The following ANKRD52 variants were observed in gnomAD, a reference collection of about 807,000 sequenced individuals.
The protein encoded by ANKRD52 is ankyrin repeat domain 52, also known as serine/threonine-protein phosphatase 6 regulatory ankyrin repeat subunit C.
In ANKRD52, 7 loss-of-function variants were observed where a neutral mutation model predicts 116.0. That is an observed-to-expected ratio of 0.06 (90% CI 0.03 to 0.11). ANKRD52 has a LOEUF of 0.11. ANKRD52 is among the 10% of genes least tolerant of loss of function. The probability of loss-of-function intolerance (pLI) is 1.00; values close to 1 mark genes in which losing one functional copy is unlikely to be tolerated. For missense variants in ANKRD52, 839 were observed against 1,408.6 expected (o/e 0.60, Z 6.47); for synonymous variants, 528 against 578.1 (o/e 0.91, Z 1.24).
At position 56,252,971 on chromosome 12, in the gene ANKRD52, A is replaced by G. The variant is rs774419609; in HGVS notation, c.1183+33T>C. ...GAGGGAAAGGCCTTTGCTCTCCTAT[A>G]CACCTGCCAATCCCCAGCCCATCAG... On this transcript the variant is annotated intron_variant, in intron 11 of 27. Coordinates refer to ENST00000267116, the MANE Select transcript of ANKRD52 (RefSeq NM_173595.4). This position sits in a 1 kb window ranked among gnomAD's most constrained non-coding sequence, Gnocchi z 4.7. 1 of 1,583,778 alleles carries G rather than the reference A, an allele frequency of 6.3e-7. No homozygotes were observed. The highest frequency in any genetic ancestry group is 1.1e-5 in the South Asian group (1 of 87,248).
In ANKRD52 at chr12:56,248,694, T is replaced by A; in HGVS notation, c.1704+65A>T. The A allele has an allele frequency of 5.3e-6, 8 of 1,510,530 alleles. No individual in the cohort carries two copies. Among genetic ancestry groups the A allele is most frequent in the Non-Finnish European group, 7.2e-6 (8 of 1,105,306 alleles). 93.6% of individuals were successfully genotyped at this position (1,510,530 alleles called of 1,614,324 possible). A position where few individuals can be genotyped will look rare whatever the true frequency, so the allele number is the denominator to read the frequency against. On this transcript the variant is annotated intron_variant, in intron 16 of 27. Transcript: ENST00000267116. This position sits in a 1 kb window ranked among gnomAD's most constrained non-coding sequence, Gnocchi z 5.1. ...CCACATTTGATTGAACCCTTAGTTT[T>A]GGAATCCACAAACCCTGTGCCCTGC...
chr12:56,247,643 C>G (rs762295485), intron 19 of ANKRD52, 33 bp from the exon 20 acceptor site: 1 of 1,592,812 alleles, frequency 6.3e-7, no homozygotes, highest in Admixed American at 1.8e-5. Flanking sequence ...GTGAGGATCC[C>G]GCAAGGACTG....
Position 56,253,539 on chromosome 12 carries a change from C to G in ANKRD52, c.986-137G>C. On this transcript the variant is annotated intron_variant, in intron 9 of 27. Transcript: ENST00000267116. This position sits in a 1 kb window ranked among gnomAD's most constrained non-coding sequence, Gnocchi z 5.5. ...GGATTCTACATATTTTATCCTGTTT[C>G]TAGGCCTTAGGAGACTGGGCAGGGC... 1.1e-6 allele frequency: 1 copy of G among 940,894 alleles called. No individual in the cohort carries two copies. Among genetic ancestry groups the G allele is most frequent in the South Asian group, 1.5e-5 (1 of 64,576 alleles). The allele number at this position is 940,894 out of a possible 1,614,324, so 58.3% of individuals were successfully genotyped here.
At chr12:56,247,631 G>T (rs1413341742) in intron 19 of ANKRD52, 21 bp from the exon 20 acceptor site, 2 of 1,590,340 alleles carry the variant, frequency 1.3e-6, no homozygotes, top group East Asian at 2.3e-5. Flanking sequence ...GCAGGAGGAG[G>T]AGTGAGGATC....
Position 56,252,403 on chromosome 12 carries a change from A to G in ANKRD52, c.1371-88T>C. 1 of 1,594,494 alleles carries G rather than the reference A, an allele frequency of 6.3e-7. No individual in the cohort carries two copies. Among genetic ancestry groups the G allele is most frequent in the African/African-American group, 1.3e-5 (1 of 74,572 alleles). Reference sequence around the variant, plus strand: ...GTGCAGCCAAATGCTGCTTTGTAACATTCTCCTTATTTAAGTCTCCAATCT... The same window carrying G: ...GTGCAGCCAAATGCTGCTTTGTAACGTTCTCCTTATTTAAGTCTCCAATCT... On this transcript the variant is annotated intron_variant, in intron 13 of 27. Coordinates refer to ENST00000267116, the MANE Select transcript of ANKRD52 (RefSeq NM_173595.4). This position sits in a 1 kb window ranked among gnomAD's most constrained non-coding sequence, Gnocchi z 4.7.
chr12:56,254,386 C>A lies in ANKRD52; in HGVS notation c.694-107G>T, dbSNP rs929701991. The A allele has an allele frequency of 4.1e-6, 6 of 1,457,504 alleles. No homozygotes were observed. In the African/African-American group the frequency reaches 5.6e-5, roughly 14 times the overall value. The allele number at this position is 1,457,504 out of a possible 1,614,324, so 90.3% of individuals were successfully genotyped here. A position where few individuals can be genotyped will look rare whatever the true frequency, so the allele number is the denominator to read the frequency against. ...ATCCAACGACTGCCTCATTTCCTCT[C>A]GGGTTTATGACCCAAGGTACTAAGG... On this transcript the variant is annotated intron_variant, in intron 7 of 27. Coordinates refer to ENST00000267116, the MANE Select transcript of ANKRD52 (RefSeq NM_173595.4). The surrounding 1 kb of genome is among the most constrained non-coding windows in gnomAD (Gnocchi z 4.6).
chr12:56,252,759 GGAGA>G lies in ANKRD52; in HGVS notation c.1301+17_1301+20del, dbSNP rs777710789. 3.1e-6 allele frequency: 5 copies of G among 1,609,596 alleles called. No individual in the cohort carries two copies. The highest frequency in any genetic ancestry group is 2.7e-5 in the African/African-American group (2 of 74,814). On this transcript the variant is annotated intron_variant, in intron 12 of 27. Transcript: ENST00000267116. The surrounding 1 kb of genome is among the most constrained non-coding windows in gnomAD (Gnocchi z 4.7). ...TGCCCAGCTCCCTGCTCAAAGCATG[GGAGA>G]GAGAAAGAGAACTCACCCTCCGGAA...
rs1481983741 is a variant in ANKRD52, at chr12:56,258,255, G to A, written c.15C>T (p.Ser5=). 2 of 1,599,554 alleles carry A rather than the reference G, an allele frequency of 1.3e-6. No individual in the cohort carries two copies. Among genetic ancestry groups the A allele is most frequent in the Non-Finnish European group, 1.7e-6 (2 of 1,174,550 alleles). MGIL[S]ITDQPPLVQA... is the part of the protein sequence containing the mutation. ...CAGGAGGGCTGACCTGGTCCGTGATGCTGAGGATCCCCATGGCTCGGCCCG... is the reference window on the plus strand; with the variant it reads ...CAGGAGGGCTGACCTGGTCCGTGATACTGAGGATCCCCATGGCTCGGCCCG... The change falls in exon 1 of 28, where the codon AGC becomes AGT. Residue 5 remains serine (S), a synonymous_variant. Coordinates refer to ENST00000267116, the MANE Select transcript of ANKRD52 (RefSeq NM_173595.4).
chr12:56,258,338 A>G lies in ANKRD52; in HGVS notation c.-69T>C, dbSNP rs940297145. ...GGCGGCGGCTCCACCGGGGACACGG[A>G]GCGGCCCAGGCGGCGGCTGCGGTGG... On this transcript the variant is annotated 5_prime_UTR_variant, in exon 1 of 28. Transcript: ENST00000267116. The G allele has an allele frequency of 2.7e-6, 4 of 1,462,814 alleles. No individual in the cohort carries two copies. In the African/African-American group the frequency reaches 4.4e-5, roughly 16 times the overall value. 90.6% of individuals were successfully genotyped at this position (1,462,814 alleles called of 1,614,324 possible). A position where few individuals can be genotyped will look rare whatever the true frequency, so the allele number is the denominator to read the frequency against.
Position 56,242,353 on chromosome 12 carries a change from C to A in ANKRD52, c.*789G>T. On this transcript the variant is annotated 3_prime_UTR_variant, in exon 28 of 28. Transcript: ENST00000267116. This position sits in a 1 kb window ranked among gnomAD's most constrained non-coding sequence, Gnocchi z 4.3. ...GGAATGACCACAGGCTCTGCCCTCC[C>A]AAAAGAAGATAAAAGAAAGAAGCAA... 2.3e-5 allele frequency: 9 copies of A among 383,246 alleles called. No individual in the cohort carries two copies. The highest frequency in any genetic ancestry group is 2.8e-5 in the Non-Finnish European group (6 of 217,188). 23.7% of individuals were successfully genotyped at this position (383,246 alleles called of 1,614,324 possible). A position where few individuals can be genotyped will look rare whatever the true frequency, so the allele number is the denominator to read the frequency against.
At position 56,257,189 on chromosome 12, in the gene ANKRD52, A is replaced by ACCAAG. The variant is rs1027874827; in HGVS notation, c.190+89_190+93dup. The ACCAAG allele has an allele frequency of 3.9e-5, 60 of 1,547,510 alleles. No individual in the cohort carries two copies. The Admixed American group carries it at 1.1e-3, about 29-fold the overall frequency. On this transcript the variant is annotated intron_variant, in intron 3 of 27. Transcript: ENST00000267116. The stretch of plus-strand genomic sequence containing the variant: ...TGAATGGAGCTGGAGCCTCGCCTGG[A>ACCAAG]CCAAGCCGGGGAGAGCAATCCTTGA...
chr12:56,249,473 T>C (rs1156556037), intron 15 of ANKRD52, among the ~76,000 whole-genome samples: 1 of 152,218 alleles, frequency 6.6e-6, no homozygotes, highest in Non-Finnish European at 1.5e-5. Context: ...TAGATACTAT[T>C]TTTATCCTTA....
At position 56,245,470 on chromosome 12, in the gene ANKRD52, G is replaced by A. The variant is rs779509717; in HGVS notation, c.2311C>T (p.Arg771Trp). 1.2e-5 allele frequency: 20 copies of A among 1,611,422 alleles called. No homozygotes were observed. Among genetic ancestry groups the A allele is most frequent in the African/African-American group, 5.3e-5 (4 of 74,772 alleles). Residue 771 changes from arginine (R) to tryptophan (W), a missense_variant, in exon 21 of 28, where the codon CGG (arginine) becomes TGG (tryptophan). Physicochemically the swap from Arg to Trp is moderately radical, Grantham distance 101. This residue lies in a region of ANKRD52 where 552 missense variants were observed against 810.6 expected (regional missense o/e 0.68). Transcript: ENST00000267116. ...GAAAGGGCAGCCTGCAGCAGGGTCC[G>A]CAGTACTGCAGTGTGGCCACAGGCT... is the stretch of plus-strand genomic sequence containing the variant. ...ASACGHTAVLRTLLQAALSTD... is the reference protein window; with the variant it reads ...ASACGHTAVLWTLLQAALSTD...
intron 20 of ANKRD52, among the ~76,000 whole-genome samples, chr12:56,247,154 G>A (rs1725661310): frequency 1.3e-5 from 2 of 150,550 alleles, no homozygotes; most frequent in South Asian, 2.1e-4. Flanking sequence ...AGACCAGCTT[G>A]GGCAAGATGG....
At chr12:56,249,255 C>T (rs553617320) in intron 15 of ANKRD52, among the ~76,000 whole-genome samples, 43 of 152,324 alleles carry the variant, frequency 2.8e-4, no homozygotes, top group African/African-American at 9.9e-4. Context: ...TCATCTCAAA[C>T]TCAGTCCCAG....
In ANKRD52 at chr12:56,253,125, A is replaced by G; in HGVS notation, c.1101-39T>C. The stretch of plus-strand genomic sequence containing the variant: ...GAGGGACTCAGTCCTTGGGTCAAGG[A>G]GGGACCAAGTAAGACCTCTTCTGTG... On this transcript the variant is annotated intron_variant, in intron 10 of 27. Coordinates refer to ENST00000267116, the MANE Select transcript of ANKRD52 (RefSeq NM_173595.4). The surrounding 1 kb of genome is among the most constrained non-coding windows in gnomAD (Gnocchi z 5.5). 1 of 1,520,858 alleles carries G rather than the reference A, an allele frequency of 6.6e-7. No individual in the cohort carries two copies. Among genetic ancestry groups the G allele is most frequent in the Non-Finnish European group, 8.9e-7 (1 of 1,126,570 alleles). 94.2% of individuals were successfully genotyped at this position (1,520,858 alleles called of 1,614,324 possible). A position where few individuals can be genotyped will look rare whatever the true frequency, so the allele number is the denominator to read the frequency against.
At position 56,242,969 on chromosome 12, in the gene ANKRD52, C is replaced by T; in HGVS notation, c.*173G>A. 1 of 993,566 alleles carries T rather than the reference C, an allele frequency of 1.0e-6. No individual in the cohort carries two copies. Among genetic ancestry groups the T allele is most frequent in the Non-Finnish European group, 1.4e-6 (1 of 701,058 alleles). The allele number at this position is 993,566 out of a possible 1,614,324, so 61.5% of individuals were successfully genotyped here. On this transcript the variant is annotated 3_prime_UTR_variant, in exon 28 of 28. Transcript: ENST00000267116. The surrounding 1 kb of genome is among the most constrained non-coding windows in gnomAD (Gnocchi z 4.3). ...GCTCCCTGTCAGTCCCAGACCCCTG[C>T]CAGGCCAAGATGGTGTGGCAAAGGG... is the stretch of plus-strand genomic sequence containing the variant.
intron 15 of ANKRD52, among the ~76,000 whole-genome samples, chr12:56,251,146 G>A (rs1871672436): frequency 6.6e-6 from 1 of 151,974 alleles, no homozygotes; most frequent in Non-Finnish European, 1.5e-5. Flanking sequence ...TCACCACGTT[G>A]GCCAGGCTGG....
Position 56,240,465 on chromosome 12 carries a change from G to A in ANKRD52, c.*2677C>T, listed in dbSNP as rs2135872793. The A allele has an allele frequency of 6.6e-6, 1 of 152,134 alleles. No homozygotes were observed. Among genetic ancestry groups the A allele is most frequent in the Admixed American group, 6.5e-5 (1 of 15,288 alleles). 9.4% of individuals were successfully genotyped at this position (152,134 alleles called of 1,614,324 possible). A position where few individuals can be genotyped will look rare whatever the true frequency, so the allele number is the denominator to read the frequency against. ...TACTTGAAGCAAGTGCTTTAGGGCT[G>A]CGGTGGGGAGAGGGGGGAGGGGGAG... On this transcript the variant is annotated 3_prime_UTR_variant, in exon 28 of 28. Coordinates refer to ENST00000267116, the MANE Select transcript of ANKRD52 (RefSeq NM_173595.4). This position sits in a 1 kb window ranked among gnomAD's most constrained non-coding sequence, Gnocchi z 4.2.
Sources: allele counts gnomAD v4.1 joint callset (sites outside exome capture counted in the v4.1 genomes callset), GRCh38; gene constraint gnomAD v4.1.1; regional missense constraint gnomAD v4.1.1; non-coding constraint Gnocchi (gnomAD v3.1); transcripts MANE v1.5; gene names NCBI Gene and HGNC (gene_info 2026-07-23, HGNC 2026-07-21).